The following NBEA variants were observed in gnomAD, a reference collection of about 807,000 sequenced individuals.
NBEA encodes the protein lysosomal-trafficking regulator 2.
NBEA carries 44 observed loss-of-function variants against 343.4 expected under a neutral mutation model. The observed-to-expected ratio is 0.13, with a 90% CI of 0.10 to 0.16. The LOEUF (loss-of-function observed/expected upper bound fraction) is 0.16. NBEA is among the 10% of genes least tolerant of loss of function. The pLI is 1.00. For synonymous variants in NBEA, 1,175 were observed against 1,238.7 expected (o/e 0.95, Z 1.08); for missense variants, 2,555 against 3,631.3 (o/e 0.70, Z 7.62).
At chr13:35,002,877 G>A (rs936881521) in intron 1 of NBEA, among the ~76,000 whole-genome samples, 1 of 152,148 alleles carries the variant, frequency 6.6e-6, no homozygotes, top group African/African-American at 2.4e-5. Flanking sequence ...TAGTCAGTTG[G>A]CGAGAGGTCA....
chr13:35,131,184 C>T (rs1027788200), intron 17 of NBEA, among the ~76,000 whole-genome samples: 4 of 152,078 alleles, frequency 2.6e-5, no homozygotes, highest in African/African-American at 7.2e-5. Context: ...GTATTATTCA[C>T]TTATAAAATA....
At chr13:35,111,404 T>G (rs184921682) in intron 13 of NBEA, among the ~76,000 whole-genome samples, 1 of 151,828 alleles carries the variant, frequency 6.6e-6, no homozygotes, top group African/African-American at 2.4e-5. Context: ...ATTTTTTTTT[T>G]GAAAATATAG....
intron 11 of NBEA, among the ~76,000 whole-genome samples, chr13:35,100,359 A>G (rs1404554466): frequency 1.3e-5 from 2 of 152,046 alleles, no homozygotes; most frequent in East Asian, 1.9e-4. Flanking sequence ...CTTTATTAAG[A>G]TGATTTTTTC....
chr13:35,186,181 G>A (rs545212107), intron 30 of NBEA, among the ~76,000 whole-genome samples: 2 of 152,222 alleles, frequency 1.3e-5, no homozygotes, highest in South Asian at 4.2e-4. Flanking sequence ...GCATGTGCCT[G>A]TAGTCCCAGC....
chr13:35,298,211 G>GTGTATA (rs1233681936), intron 35 of NBEA, among the ~76,000 whole-genome samples: 1 of 103,042 alleles, frequency 9.7e-6, no homozygotes, highest in African/African-American at 4.3e-5. Flanking sequence ...GTGTGTGTGT[G>GTGTATA]TATATATATA....
intron 41 of NBEA, among the ~76,000 whole-genome samples, chr13:35,477,542 T>G (rs907583774): frequency 6.6e-6 from 1 of 152,222 alleles, no homozygotes; most frequent in African/African-American, 2.4e-5. Context: ...TATTTCATAG[T>G]GACCTGTATT....
chr13:35,176,862 G>A (rs2070937517), intron 27 of NBEA, 134 bp from the exon 28 acceptor site: 1 of 598,766 alleles, frequency 1.7e-6, no homozygotes, highest in Admixed American at 2.7e-5. Context: ...TGTAATAGAG[G>A]ATTATGATCA....
At chr13:35,347,684 T>C (rs533775040) in intron 36 of NBEA, among the ~76,000 whole-genome samples, 1 of 152,186 alleles carries the variant, frequency 6.6e-6, no homozygotes, top group South Asian at 2.1e-4. Context: ...TTCCTCCTCC[T>C]CCTCTTCCTC....
At chr13:35,285,610 T>G (rs1405741836) in intron 34 of NBEA, among the ~76,000 whole-genome samples, 1 of 152,186 alleles carries the variant, frequency 6.6e-6, no homozygotes, top group Non-Finnish European at 1.5e-5. Context: ...TTAAAATAGT[T>G]GTCTAAAATA....
At chr13:35,319,842 A>G (rs1172621929) in intron 36 of NBEA, among the ~76,000 whole-genome samples, 1 of 151,508 alleles carries the variant, frequency 6.6e-6, no homozygotes, top group African/African-American at 2.4e-5. Flanking sequence ...TTACCATTAC[A>G]TAATTCCCTT....
chr13:35,617,315 A>G (rs1478413496), intron 48 of NBEA, among the ~76,000 whole-genome samples: 1 of 152,214 alleles, frequency 6.6e-6, no homozygotes, highest in Non-Finnish European at 1.5e-5. Flanking sequence ...AATTCTGCAT[A>G]TTCAGGATAA....
rs192425931 is a variant in NBEA at position 35,082,458 on chromosome 13, A to G, written c.1571+11606A>G. 3.3e-3 allele frequency among the ~76,000 whole-genome samples: 504 copies of G among 152,194 alleles called. 5 individuals carry two copies. Among genetic ancestry groups the G allele is most frequent in the African/African-American group, 0.012 (489 of 41,540 alleles). ...AGTAATGGGATGGCTGAGTCAAATG[A>G]TATTTCTAGTTCTAGATCCCTGAGG... On this transcript the variant is annotated intron_variant, in intron 10 of 58. Transcript: ENST00000379939.
chr13:35,315,569 C>T (rs73491851), intron 36 of NBEA, among the ~76,000 whole-genome samples: 2,148 of 152,036 alleles, frequency 0.014, 51 homozygotes, highest in African/African-American at 0.049. Context: ...TAATCATTTG[C>T]CTGAAATAAA....
chr13:35,421,523 C>G (rs1436513349), intron 38 of NBEA, among the ~76,000 whole-genome samples: 2 of 152,042 alleles, frequency 1.3e-5, no homozygotes, highest in Admixed American at 6.6e-5. Flanking sequence ...AGAACCACAT[C>G]AGTGTTACAA....
intron 1 of NBEA, among the ~76,000 whole-genome samples, chr13:34,955,228 C>T (rs1312330668): frequency 6.6e-6 from 1 of 151,838 alleles, no homozygotes; most frequent in African/African-American, 2.4e-5. Context: ...GTTTTTACTC[C>T]AGCAGGCTCA....
At chr13:35,096,654 C>G (rs1199317330) in intron 10 of NBEA, among the ~76,000 whole-genome samples, 1 of 151,862 alleles carries the variant, frequency 6.6e-6, no homozygotes. Context: ...AAATCACTAA[C>G]TTTGGTGTAT....
chr13:34,962,215 G>A (rs1023339886), intron 1 of NBEA, among the ~76,000 whole-genome samples: 2 of 151,972 alleles, frequency 1.3e-5, no homozygotes, highest in South Asian at 4.2e-4. Context: ...ACCATTAGAA[G>A]TATAGAAAGA....
At chr13:35,006,496 A>ATAAACATAG (rs138330719) in intron 1 of NBEA, among the ~76,000 whole-genome samples, 2,579 of 152,130 alleles carry the variant, frequency 0.017, 99 homozygotes, top group East Asian at 0.14. Context: ...ATTGTTATTG[A>ATAAACATAG]TAAACATAGT....
intron 48 of NBEA, among the ~76,000 whole-genome samples, chr13:35,608,124 A>G (rs1049169331): frequency 6.6e-6 from 1 of 152,140 alleles, no homozygotes; most frequent in Admixed American, 6.5e-5. Flanking sequence ...TTTATTTTAG[A>G]AAGTTGCTGA....
Sources: allele counts gnomAD v4.1 joint callset (sites outside exome capture counted in the v4.1 genomes callset), GRCh38; gene constraint gnomAD v4.1.1; transcripts MANE v1.5; gene names NCBI Gene and HGNC (gene_info 2026-07-23, HGNC 2026-07-21).